Variants in HS2ST1 observed in about 807,000 individuals in gnomAD.
The protein encoded by HS2ST1 is heparan sulfate 2-O-sulfotransferase 1.
HS2ST1 carries 18 observed loss-of-function variants against 42.9 expected under a neutral mutation model. The ratio of observed to expected loss-of-function variants is 0.42; its 90% CI spans 0.29 to 0.62. The LOEUF is 0.62. HS2ST1 is among the 20% of genes least tolerant of loss of function. The probability of loss-of-function intolerance (pLI) is 0.21; values close to 1 mark genes in which losing one functional copy is unlikely to be tolerated. For synonymous variants in HS2ST1, 146 were observed against 152.9 expected, an observed-to-expected ratio of 0.95 and a Z score of 0.33; for missense variants, 334 against 433.8, an observed-to-expected ratio of 0.77 and a Z score of 2.04.
intron 1 of HS2ST1, among the ~76,000 whole-genome samples, chr1:86,961,076 A>G (rs746476805): frequency 1.3e-5 from 2 of 152,064 alleles, no homozygotes; most frequent in Non-Finnish European, 2.9e-5. Flanking sequence ...ACGATGCAAT[A>G]TTATCTAGCC....
chr1:87,080,902 T>C (rs1651669482), intron 2 of HS2ST1, among the ~76,000 whole-genome samples: 1 of 152,150 alleles, frequency 6.6e-6, no homozygotes, highest in Non-Finnish European at 1.5e-5. Flanking sequence ...GAGGTTAATC[T>C]TCCATCTCAG....
intron 2 of HS2ST1, among the ~76,000 whole-genome samples, chr1:87,080,841 G>A (rs1557539210): frequency 6.6e-6 from 1 of 152,112 alleles, no homozygotes; most frequent in Non-Finnish European, 1.5e-5. Flanking sequence ...AGTAACAAGG[G>A]GCAGAGCTCA....
In HS2ST1 at chr1:86,914,791, C is replaced by A; in HGVS notation, c.-246C>A. On this transcript the variant is annotated 5_prime_UTR_variant, in exon 1 of 7. Coordinates refer to ENST00000370550, the MANE Select transcript of HS2ST1 (RefSeq NM_012262.4). ...GGCAGCCGCTTCGCGCTGTTTGCTG[C>A]GCGGGCTTTTGGAGGGGGCGGCCGT... 1.9e-6 allele frequency: 1 copy of A among 537,820 alleles called. No individual in the cohort carries two copies. The highest frequency in any genetic ancestry group is 2.1e-5 in the South Asian group (1 of 47,064). The allele number at this position is 537,820 out of a possible 1,614,324, so 33.3% of individuals were successfully genotyped here. A position where few individuals can be genotyped will look rare whatever the true frequency, so the allele number is the denominator to read the frequency against.
intron 1 of HS2ST1, among the ~76,000 whole-genome samples, chr1:87,022,808 A>G (rs1362160664): frequency 1.3e-5 from 2 of 152,238 alleles, no homozygotes; most frequent in African/African-American, 4.8e-5. Context: ...CCAGGAACTC[A>G]AAGTCAGGCA....
intron 3 of HS2ST1, 31 bp downstream of exon 3, chr1:87,084,310 A>G (rs1308597182): frequency 1.6e-6 from 2 of 1,253,126 alleles, no homozygotes; most frequent in African/African-American, 3.0e-5. Flanking sequence ...ACGCTAAAGA[A>G]TGCTTTGTAC....
At chr1:87,103,956 G>A (rs555553799) in intron 6 of HS2ST1, among the ~76,000 whole-genome samples, 30 of 152,254 alleles carry the variant, frequency 2.0e-4, no homozygotes, top group East Asian at 3.9e-4. Flanking sequence ...AGCCTCAGCC[G>A]TATTATCATG....
Position 87,033,799 on chromosome 1 carries a change from C to T in HS2ST1, c.125-39135C>T, listed in dbSNP as rs1570499862. 2.0e-5 allele frequency among the ~76,000 whole-genome samples: 3 copies of T among 152,208 alleles called. No individual in the cohort carries two copies. In the South Asian group the frequency reaches 6.2e-4, roughly 31 times the overall value. On this transcript the variant is annotated intron_variant, in intron 1 of 6. Coordinates refer to ENST00000370550, the MANE Select transcript of HS2ST1 (RefSeq NM_012262.4). ...CCTCAGGTGATCCACCAGCCTCGGC[C>T]TCCCAGAGTGCTGGGATTACAGGCG...
chr1:87,018,165 G>GACAC (rs1246135539), intron 1 of HS2ST1, among the ~76,000 whole-genome samples: 1 of 81,302 alleles, frequency 1.2e-5, no homozygotes, highest in African/African-American at 4.5e-5. Flanking sequence ...CACACACACA[G>GACAC]ACACACACAC....
At chr1:86,931,435 A>G (rs1253332383) in intron 1 of HS2ST1, among the ~76,000 whole-genome samples, 1 of 152,090 alleles carries the variant, frequency 6.6e-6, no homozygotes, top group African/African-American at 2.4e-5. Flanking sequence ...AAAGATCTCT[A>G]TATGTAACCC....
intron 1 of HS2ST1, among the ~76,000 whole-genome samples, chr1:87,028,597 T>G (rs536767507): frequency 5.3e-5 from 8 of 152,188 alleles, no homozygotes; most frequent in Non-Finnish European, 1.2e-4. Context: ...TGTAGAAAAT[T>G]AGAAAGTGGA....
intron 1 of HS2ST1, among the ~76,000 whole-genome samples, chr1:87,037,597 A>AT (rs369863881): frequency 0.12 from 17,135 of 145,786 alleles, 1,041 homozygotes; most frequent in African/African-American, 0.15. Flanking sequence ...ATAAAGTTGA[A>AT]TTTTTTTTTT....
intron 1 of HS2ST1, among the ~76,000 whole-genome samples, chr1:87,042,396 G>A (rs188706135): frequency 6.6e-6 from 1 of 152,082 alleles, no homozygotes; most frequent in Admixed American, 6.5e-5. Context: ...TCGTTGCCAA[G>A]ACCCATGTAA....
intron 1 of HS2ST1, among the ~76,000 whole-genome samples, chr1:87,054,481 T>G (rs1251346263): frequency 6.6e-6 from 1 of 152,204 alleles, no homozygotes; most frequent in Non-Finnish European, 1.5e-5. Flanking sequence ...TCACATTTCA[T>G]GTAGAAATGG....
At chr1:87,032,766 C>T (rs1380837718) in intron 1 of HS2ST1, among the ~76,000 whole-genome samples, 3 of 151,954 alleles carry the variant, frequency 2.0e-5, no homozygotes, top group Non-Finnish European at 4.4e-5. Context: ...TGAAGGTAAG[C>T]CTAATAACAG....
intron 1 of HS2ST1, among the ~76,000 whole-genome samples, chr1:87,062,277 C>A (rs147132957): frequency 6.6e-6 from 1 of 151,866 alleles, no homozygotes; most frequent in Non-Finnish European, 1.5e-5. Flanking sequence ...TTTTCTCTTT[C>A]TGCATTCCTG....
chr1:86,984,787 C>T (rs868321868), intron 1 of HS2ST1, among the ~76,000 whole-genome samples: 2 of 151,634 alleles, frequency 1.3e-5, no homozygotes, highest in Middle Eastern at 3.4e-3. Flanking sequence ...TGGTGGCATG[C>T]ACCTGTAATC....
chr1:86,953,195 C>T (rs1647573958), intron 1 of HS2ST1, among the ~76,000 whole-genome samples: 1 of 152,204 alleles, frequency 6.6e-6, no homozygotes, highest in Admixed American at 6.5e-5. Context: ...CCTCACTTCT[C>T]TCAGCCTTCT....
At chr1:87,056,448 T>A (rs978831275) in intron 1 of HS2ST1, among the ~76,000 whole-genome samples, 1 of 152,134 alleles carries the variant, frequency 6.6e-6, no homozygotes, top group Non-Finnish European at 1.5e-5. Context: ...AACAAGGCAA[T>A]TTTTTTCATA....
At chr1:87,010,408 G>A (rs1649565244) in intron 1 of HS2ST1, among the ~76,000 whole-genome samples, 1 of 152,032 alleles carries the variant, frequency 6.6e-6, no homozygotes, top group Non-Finnish European at 1.5e-5. Context: ...GGTGAATGTA[G>A]AGAGATTAGT....
Sources: allele counts gnomAD v4.1 joint callset (sites outside exome capture counted in the v4.1 genomes callset), GRCh38; gene constraint gnomAD v4.1.1; transcripts MANE v1.5; gene names NCBI Gene and HGNC (gene_info 2026-07-23, HGNC 2026-07-21).